GRIP1: variants seen among roughly 807,000 people sequenced by gnomAD.
GRIP1 encodes glutamate receptor interacting protein 1, also known as glutamate receptor-interacting protein 1.
Under a neutral mutation model 129.9 loss-of-function variants are expected in GRIP1, and 45 were observed. That is an observed-to-expected ratio of 0.35 (90% CI 0.27 to 0.44). The LOEUF (loss-of-function observed/expected upper bound fraction) is 0.44. Ranked by LOEUF, GRIP1 falls within the 20% of genes least tolerant of loss-of-function variation. The pLI, the probability that GRIP1 is intolerant of heterozygous loss-of-function variation, is 1.00. For missense variants in GRIP1, 1,196 were observed against 1,396.8 expected, an observed-to-expected ratio of 0.86 and a Z score of 2.29; for synonymous variants, 530 against 520.8, an observed-to-expected ratio of 1.02 and a Z score of -0.24.
chr12:66,530,391 G>C (rs2061401613), intron 4 of GRIP1, among the ~76,000 whole-genome samples: 1 of 152,136 alleles, frequency 6.6e-6, no homozygotes, highest in African/African-American at 2.4e-5. Flanking sequence ...GATGCTAATA[G>C]ATGTTCTGAC....
Position 66,467,633 on chromosome 12 carries a change from A to G in GRIP1, c.725-2211T>C, listed in dbSNP as rs560204482. ...TAGTTTTGCCCACCTCTCAATTTTA[A>G]CAAAGATCTGTGGCTGAGCCCAGTG... On this transcript the variant is annotated intron_variant, in intron 7 of 24. Transcript: ENST00000359742. 1.7e-4 allele frequency among the ~76,000 whole-genome samples: 26 copies of G among 152,186 alleles called. 1 individual carries two copies. Among genetic ancestry groups the G allele is most frequent in the African/African-American group, 6.3e-4 (26 of 41,528 alleles).
At chr12:66,966,200 T>C (rs2041996468) in intron 1 of GRIP1, among the ~76,000 whole-genome samples, 1 of 152,192 alleles carries the variant, frequency 6.6e-6, no homozygotes, top group Non-Finnish European at 1.5e-5. Flanking sequence ...CCAAAAGTTT[T>C]ATTCAGCAGA....
chr12:66,393,747 A>G (rs554798998), intron 17 of GRIP1, among the ~76,000 whole-genome samples: 13 of 152,282 alleles, frequency 8.5e-5, no homozygotes, highest in South Asian at 6.2e-4. Context: ...GACATTATTA[A>G]AATGGGTTAT....
In GRIP1 at chr12:66,779,378, A is replaced by G. The variant is rs1035097899; in HGVS notation, c.-420+24675T>C. ...TGATTTTAGTTCTGTATTCAAAAAA[A>G]ACCATTAAGAGTCACTTAAATTTTT... On this transcript the variant is annotated intron_variant, in intron 1 of 4. Transcript: ENST00000538373. Among the ~76,000 whole-genome samples the G allele has an allele frequency of 3.8e-4, 58 of 152,224 alleles. 1 individual carries two copies. The highest frequency in any genetic ancestry group is 3.3e-3 in the Admixed American group (50 of 15,272).
chr12:66,613,981 T>C (rs2064928240), intron 1 of GRIP1, among the ~76,000 whole-genome samples: 1 of 152,190 alleles, frequency 6.6e-6, no homozygotes, highest in South Asian at 2.1e-4. Context: ...ATTCTTGACA[T>C]TTCAGCAGTA....
chr12:66,739,805 C>A (rs2036731582), intron 1 of GRIP1, among the ~76,000 whole-genome samples: 1 of 151,674 alleles, frequency 6.6e-6, no homozygotes, highest in Non-Finnish European at 1.5e-5. Context: ...GAAACCCAGC[C>A]TCCTTTCATG....
At chr12:66,739,530 A>G (rs2036719467) in intron 1 of GRIP1, among the ~76,000 whole-genome samples, 1 of 152,066 alleles carries the variant, frequency 6.6e-6, no homozygotes, top group African/African-American at 2.4e-5. Flanking sequence ...GATTATTGAG[A>G]TTCTGATTCC....
intron 1 of GRIP1, among the ~76,000 whole-genome samples, chr12:66,717,825 G>A (rs2035941282): frequency 6.6e-6 from 1 of 152,108 alleles, no homozygotes; most frequent in South Asian, 2.1e-4. Flanking sequence ...TCTTACTGGT[G>A]TTCTAGAGGA....
At chr12:67,058,054 C>T (rs1360270261) in intron 1 of GRIP1, among the ~76,000 whole-genome samples, 1 of 152,060 alleles carries the variant, frequency 6.6e-6, no homozygotes, top group African/African-American at 2.4e-5. Flanking sequence ...ATATTCCTCT[C>T]AGTGGTTTAC....
intron 4 of GRIP1, among the ~76,000 whole-genome samples, chr12:66,535,418 T>C (rs1439565543): frequency 6.6e-6 from 1 of 152,134 alleles, no homozygotes; most frequent in Non-Finnish European, 1.5e-5. Context: ...ATAAGGCTAA[T>C]GTTATTAGTT....
chr12:66,646,107 A>G (rs1013501600), intron 1 of GRIP1, among the ~76,000 whole-genome samples: 1 of 152,248 alleles, frequency 6.6e-6, no homozygotes, highest in Non-Finnish European at 1.5e-5. Context: ...AAGAAATTCT[A>G]AACACAAAAA....
chr12:66,766,869 A>G (rs1029107987), intron 1 of GRIP1, among the ~76,000 whole-genome samples: 1 of 152,220 alleles, frequency 6.6e-6, no homozygotes, highest in Non-Finnish European at 1.5e-5. Flanking sequence ...GTTGAGTAAA[A>G]GCTACTGAAG....
In GRIP1 at chr12:66,445,327, T is replaced by C. The variant is rs1027971812; in HGVS notation, c.1536A>G (p.Ala512=). The C allele has an allele frequency of 1.2e-6, 2 of 1,613,768 alleles. No individual in the cohort carries two copies. Among genetic ancestry groups the C allele is most frequent in the African/African-American group, 2.7e-5 (2 of 74,938 alleles). The change falls in exon 12 of 25, where the codon GCA becomes GCG. Residue 512 remains alanine, a synonymous_variant. Coordinates refer to ENST00000359742, the MANE Select transcript of GRIP1 (RefSeq NM_001366722.1). ...TGTGAAAGAAAGTGTCTCACCTCTC[T>C]GCTGGGCTGTCAGCTTCGATATAGG... is the stretch of plus-strand genomic sequence containing the variant. ...LISYIEADSP[A]ERCGVLQIGD... is the part of the protein sequence containing the mutation.
chr12:66,699,067 C>G (rs372283492), intron 1 of GRIP1, among the ~76,000 whole-genome samples: 40 of 152,222 alleles, frequency 2.6e-4, no homozygotes, highest in African/African-American at 9.1e-4. Context: ...ACACCCACTT[C>G]ACACTAGGTT....
intron 14 of GRIP1, among the ~76,000 whole-genome samples, chr12:66,421,562 A>C (rs910028211): frequency 2.0e-5 from 3 of 151,936 alleles, no homozygotes; most frequent in Non-Finnish European, 4.4e-5. Context: ...CAATCAATAA[A>C]GTTCTTTTTT....
intron 1 of GRIP1, among the ~76,000 whole-genome samples, chr12:67,027,114 T>C (rs2042952197): frequency 6.6e-6 from 1 of 152,154 alleles, no homozygotes. Context: ...CAAACATTCT[T>C]GTCTGGATTG....
At chr12:66,858,940 C>T (rs1201449308) in intron 1 of GRIP1, among the ~76,000 whole-genome samples, 1 of 151,714 alleles carries the variant, frequency 6.6e-6, no homozygotes, top group Non-Finnish European at 1.5e-5. Flanking sequence ...AGAGCTCTTC[C>T]GTTAAAGAAT....
rs557026671 is a variant in GRIP1 at position 66,465,383 on chromosome 12, A to G, written c.764T>C (p.Val255Ala). ...AAGGCTGGCACCAGGAGTTTTGGCA[A>G]CTTCGACTAGTAGTGGCCCGGATGC... ...ATASGPLLVE[V>A]AKTPGASLGV... Residue 255 changes from valine to alanine, a missense_variant, in exon 8 of 25, where the codon GTT becomes GCT. By Grantham distance (64) the Val-to-Ala change is moderately conservative. Coordinates refer to ENST00000359742, the MANE Select transcript of GRIP1 (RefSeq NM_001366722.1). The G allele has an allele frequency of 1.9e-6, 3 of 1,614,100 alleles. No homozygotes were observed. Among genetic ancestry groups the G allele is most frequent in the South Asian group, 2.2e-5 (2 of 91,084 alleles).
rs1347055065 is a variant in GRIP1, at chr12:66,410,237, G to A, written c.1839-3809C>T. ...TGCACTCCCGCCTGGGCGACAGAGCGAGACTCCGTCTCAAAAAAAAAAAAA... is the reference window on the plus strand; with the variant it reads ...TGCACTCCCGCCTGGGCGACAGAGCAAGACTCCGTCTCAAAAAAAAAAAAA... On this transcript the variant is annotated intron_variant, in intron 15 of 24. Coordinates refer to ENST00000359742, the MANE Select transcript of GRIP1 (RefSeq NM_001366722.1). Among the ~76,000 whole-genome samples, 5 of 84,210 alleles carry A rather than the reference G, an allele frequency of 5.9e-5. No individual in the cohort carries two copies. In the East Asian group the frequency reaches 1.2e-3, roughly 19 times the overall value. 55.2% of individuals were successfully genotyped at this position (84,210 alleles called of 152,430 possible).
Sources: gnomAD v4.1 joint callset for allele counts (sites outside exome capture counted in the v4.1 genomes callset) on GRCh38, gnomAD v4.1.1 for gene constraint, MANE v1.5 for transcripts, NCBI Gene and HGNC (gene_info 2026-07-23, HGNC 2026-07-21) for gene names.